Variants in MECOM observed in about 807,000 individuals in gnomAD.
MECOM encodes the protein MDS1 and EVI1 complex locus, also known as histone-lysine N-methyltransferase MECOM.
MECOM carries 13 observed loss-of-function variants against 116.3 expected under a neutral mutation model. The observed-to-expected ratio is 0.11, with a 90% CI of 0.07 to 0.18. The LOEUF is 0.18. Among genes scored for constraint, MECOM ranks in the 10% least tolerant of loss-of-function variants. The pLI is 1.00. For missense variants in MECOM, 1,299 were observed against 1,509.0 expected, an observed-to-expected ratio of 0.86 and a Z score of 2.31; for synonymous variants, 528 against 535.2, an observed-to-expected ratio of 0.99 and a Z score of 0.19.
At chr3:169,198,134 G>A (rs1421339760) in intron 2 of MECOM, among the ~76,000 whole-genome samples, 1 of 151,976 alleles carries the variant, frequency 6.6e-6, no homozygotes, top group Non-Finnish European at 1.5e-5. Context: ...TTTAAAATAT[G>A]TAAACTACTT....
At chr3:169,662,320 C>G (rs1213321195) in intron 1 of MECOM, among the ~76,000 whole-genome samples, 1 of 152,172 alleles carries the variant, frequency 6.6e-6, no homozygotes, top group Non-Finnish European at 1.5e-5. Context: ...TGCGCCCTCT[C>G]CGCGGCCCAA....
intron 2 of MECOM, among the ~76,000 whole-genome samples, chr3:169,209,286 T>C (rs1003116399): frequency 6.6e-6 from 1 of 152,110 alleles, no homozygotes; most frequent in Admixed American, 6.5e-5. Context: ...ATTCAGGACA[T>C]AGGCATGGGC....
intron 2 of MECOM, among the ~76,000 whole-genome samples, chr3:169,182,528 A>G (rs528853825): frequency 6.6e-6 from 1 of 152,340 alleles, no homozygotes; most frequent in Non-Finnish European, 1.5e-5. Context: ...AACAACTTCA[A>G]TTACATTCAG....
At chr3:169,134,007 G>T (rs1484109019) in intron 3 of MECOM, 6 of 1,240,896 alleles carry the variant, frequency 4.8e-6, no homozygotes, top group East Asian at 5.6e-5. Flanking sequence ...CTTTTCGGTG[G>T]CTTCTCGGAA....
intron 1 of MECOM, chr3:169,613,930 G>C (rs1769611964): frequency 6.6e-6 from 1 of 152,100 alleles, no homozygotes; most frequent in Non-Finnish European, 1.5e-5. Context: ...AGTGTAACTA[G>C]ATAAGGTGGT....
At chr3:169,442,993 G>A (rs1396161357) in intron 1 of MECOM, among the ~76,000 whole-genome samples, 1 of 152,020 alleles carries the variant, frequency 6.6e-6, no homozygotes, top group Non-Finnish European at 1.5e-5. Context: ...GTAACTGTCT[G>A]CTGAATTTCA....
chr3:169,615,428 A>C (rs1301935065), intron 1 of MECOM, among the ~76,000 whole-genome samples: 6 of 152,258 alleles, frequency 3.9e-5, no homozygotes, highest in Non-Finnish European at 7.3e-5. Context: ...CACAAGAACT[A>C]TTGAGATTAC....
chr3:169,245,177 A>C (rs1755426152), intron 2 of MECOM, among the ~76,000 whole-genome samples: 1 of 152,214 alleles, frequency 6.6e-6, no homozygotes, highest in African/African-American at 2.4e-5. Flanking sequence ...TATGCAAAAC[A>C]TAAATAGTAT....
At chr3:169,399,270 A>G (rs942931577) in intron 1 of MECOM, among the ~76,000 whole-genome samples, 2 of 152,140 alleles carry the variant, frequency 1.3e-5, no homozygotes, top group African/African-American at 4.8e-5. Flanking sequence ...CAAAAATGTT[A>G]ATTATGAGGA....
At chr3:169,288,276 G>A (rs1313599661) in intron 2 of MECOM, among the ~76,000 whole-genome samples, 1 of 151,614 alleles carries the variant, frequency 6.6e-6, no homozygotes, top group African/African-American at 2.4e-5. Flanking sequence ...AAAACCTGGG[G>A]AATAGGCAAG....
rs562720920 is a variant in MECOM at position 169,425,302 on chromosome 3, G to A, written c.38-43778C>T. On this transcript the variant is annotated intron_variant, in intron 1 of 16. Transcript: ENST00000651503. Reference sequence around the variant, plus strand: ...ATGTGCATGTCCATGCTCTTTGCACGAGAAAACGGAGCTATGATTAACAAT... The same window carrying A: ...ATGTGCATGTCCATGCTCTTTGCACAAGAAAACGGAGCTATGATTAACAAT... Among the ~76,000 whole-genome samples the A allele has an allele frequency of 5.9e-5, 9 of 152,234 alleles. No individual in the cohort carries two copies. The South Asian group carries it at 1.7e-3, about 28-fold the overall frequency.
chr3:169,575,449 A>G (rs1229578447), intron 1 of MECOM, among the ~76,000 whole-genome samples: 2 of 152,198 alleles, frequency 1.3e-5, no homozygotes, highest in East Asian at 1.9e-4. Flanking sequence ...CTGTCTCCCC[A>G]GAGAGGAACA....
chr3:169,612,089 A>T (rs1769350951), intron 1 of MECOM, among the ~76,000 whole-genome samples: 1 of 152,218 alleles, frequency 6.6e-6, no homozygotes, highest in Admixed American at 6.5e-5. Context: ...TCCAGATATT[A>T]CTAAATGTCC....
chr3:169,289,204 A>G (rs1205175363), intron 2 of MECOM, among the ~76,000 whole-genome samples: 4 of 152,328 alleles, frequency 2.6e-5, no homozygotes, highest in Admixed American at 2.0e-4. Context: ...TTTTGTTTCT[A>G]TGAGGACCAG....
At chr3:169,663,201 G>C in intron 1 of MECOM, 135 bp downstream of exon 1, 2 of 992,080 alleles carry the variant, frequency 2.0e-6, no homozygotes, top group Non-Finnish European at 3.1e-6. Flanking sequence ...GGTTGCTGGG[G>C]CTGCGCTCCG....
At chr3:169,379,483 C>T (rs956702083) in intron 2 of MECOM, among the ~76,000 whole-genome samples, 3 of 151,800 alleles carry the variant, frequency 2.0e-5, no homozygotes, top group Non-Finnish European at 1.5e-5. Flanking sequence ...AATCATTTTA[C>T]ATTTCTCAAG....
chr3:169,088,887 C>T lies in MECOM; in HGVS notation c.3585+113G>A, dbSNP rs1718720765. 4.2e-6 allele frequency: 4 copies of T among 959,928 alleles called. No individual in the cohort carries two copies. In the African/African-American group the frequency reaches 5.1e-5, roughly 12 times the overall value. 59.5% of individuals were successfully genotyped at this position (959,928 alleles called of 1,614,324 possible). On this transcript the variant is annotated intron_variant, in intron 16 of 16. Coordinates refer to ENST00000651503, the MANE Select transcript of MECOM (RefSeq NM_004991.4). ...ACATTTTTAGAAAGGCATCTGACCC[C>T]ATTTGGATTCTAAAATATTTCAAAG...
chr3:169,146,943 G>T, intron 2 of MECOM: 3 of 1,022,464 alleles, frequency 2.9e-6, no homozygotes, highest in Non-Finnish European at 3.5e-6. Context: ...TCCGTCTCTA[G>T]GATCTGCTCT....
At chr3:169,443,521 A>G (rs1744088835) in intron 1 of MECOM, among the ~76,000 whole-genome samples, 1 of 152,208 alleles carries the variant, frequency 6.6e-6, no homozygotes, top group South Asian at 2.1e-4. Context: ...AAACAAAACA[A>G]AAAACAGAAT....
Sources: gnomAD v4.1 joint callset for allele counts (sites outside exome capture counted in the v4.1 genomes callset) on GRCh38, gnomAD v4.1.1 for gene constraint, MANE v1.5 for transcripts, NCBI Gene and HGNC (gene_info 2026-07-23, HGNC 2026-07-21) for gene names.